Variants in SLC4A4 observed in about 807,000 individuals in gnomAD.
The protein encoded by SLC4A4 is solute carrier family 4 member 4, also known as electrogenic sodium bicarbonate cotransporter 1.
SLC4A4 carries 27 observed loss-of-function variants against 111.5 expected under a neutral mutation model. The observed-to-expected ratio is 0.24, with a 90% CI of 0.18 to 0.33. SLC4A4 has a LOEUF of 0.33. Ranked by LOEUF, SLC4A4 falls within the 10% of genes least tolerant of loss-of-function variation. The pLI, the probability that SLC4A4 is intolerant of heterozygous loss-of-function variation, is 1.00. For missense variants in SLC4A4, 909 were observed against 1,315.5 expected, an observed-to-expected ratio of 0.69 and a Z score of 4.78; for synonymous variants, 443 against 463.4, an observed-to-expected ratio of 0.96 and a Z score of 0.57.
chr4:71,391,351 G>T (rs1363490604), intron 6 of SLC4A4, among the ~76,000 whole-genome samples: 5 of 151,970 alleles, frequency 3.3e-5, no homozygotes, highest in Non-Finnish European at 7.4e-5. Flanking sequence ...ATGGAGGTAT[G>T]AGGTGAGGAG....
chr4:71,294,511 G>A (rs537240627), intron 3 of SLC4A4, among the ~76,000 whole-genome samples: 3 of 152,344 alleles, frequency 2.0e-5, no homozygotes, highest in African/African-American at 4.8e-5. Flanking sequence ...CTTAATGGCA[G>A]TGGAGTGGGT....
chr4:71,240,419 G>T (rs1406887775), intron 2 of SLC4A4, among the ~76,000 whole-genome samples: 1 of 152,192 alleles, frequency 6.6e-6, no homozygotes, highest in African/African-American at 2.4e-5. Flanking sequence ...AATATAAGAT[G>T]CAGTAACACA....
intron 3 of SLC4A4, among the ~76,000 whole-genome samples, chr4:71,278,664 G>A (rs566332557): frequency 6.6e-6 from 1 of 152,252 alleles, no homozygotes; most frequent in South Asian, 2.1e-4. Context: ...TCTTATTGTG[G>A]TTTTAATTTG....
intron 1 of SLC4A4, among the ~76,000 whole-genome samples, chr4:71,192,656 T>C (rs1745783945): frequency 6.6e-6 from 1 of 152,066 alleles, no homozygotes; most frequent in Admixed American, 6.6e-5. Flanking sequence ...CTTTCTCAGC[T>C]CTTCCTTATT....
At chr4:71,136,903 TC>T (rs1404136617) in intron 2 of SLC4A4, among the ~76,000 whole-genome samples, 1 of 152,170 alleles carries the variant, frequency 6.6e-6, no homozygotes, top group Non-Finnish European at 1.5e-5. Context: ...TATTACTATC[TC>T]CAGGGTAATG....
rs73826255 is a variant in SLC4A4 at position 71,342,714 on chromosome 4, T to C, written c.389+3209T>C. On this transcript the variant is annotated intron_variant, in intron 4 of 25. Coordinates refer to ENST00000264485, the MANE Select transcript of SLC4A4 (RefSeq NM_001098484.3). ...CAGACCATACGTTATTTTACATAAT[T>C]CCTGGTCCCAGAAAGGTAGAGAGAT... 7.9e-3 allele frequency among the ~76,000 whole-genome samples: 1,201 copies of C among 152,320 alleles called. 17 individuals carry two copies. The highest frequency in any genetic ancestry group is 0.026 in the African/African-American group (1,063 of 41,562).
At position 71,236,235 on chromosome 4, in the gene SLC4A4, T is replaced by TA. The variant is rs1010209526; in HGVS notation, c.-1-341_-1-340insA. ...ACACACCAAACTTCCTCTCTTGGTATTTTTTTTTTTTTTTTGCTTTCATCC... is the reference window on the plus strand; with the variant it reads ...ACACACCAAACTTCCTCTCTTGGTATATTTTTTTTTTTTTTTGCTTTCATCC... On this transcript the variant is annotated intron_variant, in intron 1 of 25. Coordinates refer to ENST00000264485, the MANE Select transcript of SLC4A4 (RefSeq NM_001098484.3). 4.8e-5 allele frequency: 11 copies of TA among 229,818 alleles called. No homozygotes were observed. In the African/African-American group the frequency reaches 1.4e-3, roughly 29 times the overall value. The allele number at this position is 229,818 out of a possible 1,614,324, so 14.2% of individuals were successfully genotyped here.
chr4:71,213,166 C>G lies in SLC4A4; in HGVS notation c.-1-23410C>G, dbSNP rs116470840. Among the ~76,000 whole-genome samples the G allele has an allele frequency of 8.0e-3, 1,215 of 152,332 alleles. 20 individuals carry two copies. Among genetic ancestry groups the G allele is most frequent in the African/African-American group, 0.028 (1,169 of 41,576 alleles). On this transcript the variant is annotated intron_variant, in intron 1 of 25. Coordinates refer to ENST00000264485, the MANE Select transcript of SLC4A4 (RefSeq NM_001098484.3). Reference sequence around the variant, plus strand: ...AACGATGCATTTCTTGGAATGTTTCCTGTCATTTACCAATGCATGACTGCA... The same window carrying G: ...AACGATGCATTTCTTGGAATGTTTCGTGTCATTTACCAATGCATGACTGCA...
chr4:71,087,798 A>G (rs898977582), intron 1 of SLC4A4, among the ~76,000 whole-genome samples: 5 of 151,904 alleles, frequency 3.3e-5, no homozygotes, highest in Non-Finnish European at 7.3e-5. Context: ...ACTCTTTTAC[A>G]TTTGCTGAGG....
At chr4:71,269,541 T>C (rs528092694) in intron 3 of SLC4A4, among the ~76,000 whole-genome samples, 2 of 152,290 alleles carry the variant, frequency 1.3e-5, no homozygotes, top group African/African-American at 4.8e-5. Context: ...GTTCAGAACA[T>C]GTAGAAGTAA....
intron 7 of SLC4A4, among the ~76,000 whole-genome samples, chr4:71,430,385 C>T (rs1275010687): frequency 6.6e-6 from 1 of 152,062 alleles, no homozygotes; most frequent in Admixed American, 6.6e-5. Context: ...GATTCTGTAT[C>T]ATAATGTGCT....
At chr4:71,416,305 T>C (rs376510327) in intron 7 of SLC4A4, among the ~76,000 whole-genome samples, 1 of 152,214 alleles carries the variant, frequency 6.6e-6, no homozygotes, top group African/African-American at 2.4e-5. Flanking sequence ...ACCTTACATA[T>C]ACTGTGATTT....
At chr4:71,536,805 A>G (rs1373921164) in intron 18 of SLC4A4, among the ~76,000 whole-genome samples, 1 of 151,560 alleles carries the variant, frequency 6.6e-6, no homozygotes, top group Non-Finnish European at 1.5e-5. Flanking sequence ...ATTTAAGCAT[A>G]TTCTTCTGTC....
chr4:71,206,665 A>G (rs1489302175), intron 1 of SLC4A4, among the ~76,000 whole-genome samples: 2 of 152,176 alleles, frequency 1.3e-5, no homozygotes, highest in Non-Finnish European at 2.9e-5. Context: ...AGCAAGAAAG[A>G]TCAAACTGTT....
At chr4:71,508,941 G>T (rs1731659553) in intron 16 of SLC4A4, among the ~76,000 whole-genome samples, 1 of 152,124 alleles carries the variant, frequency 6.6e-6, no homozygotes, top group South Asian at 2.1e-4. Flanking sequence ...ATGCAAGGTT[G>T]GTTCAACATA....
At chr4:71,544,048 A>G (rs558896755) in intron 18 of SLC4A4, among the ~76,000 whole-genome samples, 2 of 152,238 alleles carry the variant, frequency 1.3e-5, no homozygotes, top group South Asian at 2.1e-4. Context: ...AGAAAAAAAG[A>G]TACAGTCCGG....
In SLC4A4 at chr4:71,304,229, A is replaced by C. The variant is rs184012379; in HGVS notation, c.254-35141A>C. 8.5e-5 allele frequency among the ~76,000 whole-genome samples: 13 copies of C among 152,304 alleles called. No individual in the cohort carries two copies. In the East Asian group the frequency reaches 2.5e-3, roughly 29 times the overall value. On this transcript the variant is annotated intron_variant, in intron 3 of 25. Transcript: ENST00000264485. Reference sequence around the variant, plus strand: ...ATTATAGGAATTGGCTGTTGTAATTATGGAGGCTGAAAAGTCCCACAGTCT... The same window carrying C: ...ATTATAGGAATTGGCTGTTGTAATTCTGGAGGCTGAAAAGTCCCACAGTCT...
At chr4:71,253,114 A>G (rs577805715) in intron 2 of SLC4A4, among the ~76,000 whole-genome samples, 2 of 152,304 alleles carry the variant, frequency 1.3e-5, no homozygotes, top group East Asian at 1.9e-4. Context: ...GAGGATGCCT[A>G]TCATCACGAT....
intron 2 of SLC4A4, among the ~76,000 whole-genome samples, chr4:71,102,581 A>G (rs998671832): frequency 1.3e-5 from 2 of 152,182 alleles, no homozygotes; most frequent in South Asian, 2.1e-4. Flanking sequence ...CTTGGCAGAA[A>G]CTCTACAAGC....
Sources: gnomAD v4.1 joint callset for allele counts (sites outside exome capture counted in the v4.1 genomes callset) on GRCh38, gnomAD v4.1.1 for gene constraint, MANE v1.5 for transcripts, NCBI Gene and HGNC (gene_info 2026-07-23, HGNC 2026-07-21) for gene names.